Variants in CHST8 observed in about 807,000 individuals in gnomAD.
CHST8 encodes carbohydrate sulfotransferase 8, also known as GALNAC-4-ST1.
A neutral mutation model predicts 15.0 loss-of-function variants in CHST8; 10 were observed. That is an observed-to-expected ratio of 0.67 (90% confidence interval 0.41 to 1.13). The LOEUF (loss-of-function observed/expected upper bound fraction) is 1.13, where lower values mean the gene tolerates loss of function less well. CHST8 is among the 50% of genes most tolerant of loss of function. The probability of loss-of-function intolerance (pLI) is 0.00; values close to 1 mark genes in which losing one functional copy is unlikely to be tolerated. For synonymous variants in CHST8, 259 were observed against 256.6 expected, an observed-to-expected ratio of 1.01 and a Z score of -0.09; for missense variants, 634 against 608.2, an observed-to-expected ratio of 1.04 and a Z score of -0.45.
intron 3 of CHST8, among the ~76,000 whole-genome samples, chr19:33,692,579 G>A (rs766407356): frequency 6.6e-6 from 1 of 152,128 alleles, no homozygotes; most frequent in Non-Finnish European, 1.5e-5. Flanking sequence ...GTACACACCT[G>A]TAGTCTCAGC....
chr19:33,624,447 G>A (rs926564619), intron 1 of CHST8, among the ~76,000 whole-genome samples: 1 of 152,122 alleles, frequency 6.6e-6, no homozygotes, highest in South Asian at 2.1e-4. Context: ...ATATCACTTG[G>A]GAAATTTCAT....
chr19:33,667,410 C>T (rs1453100983), intron 1 of CHST8, among the ~76,000 whole-genome samples: 1 of 152,146 alleles, frequency 6.6e-6, no homozygotes. Flanking sequence ...TCGCAGCAAA[C>T]GGCCACCTTG....
chr19:33,755,658 CGGTG>C (rs1974531155), intron 3 of CHST8, among the ~76,000 whole-genome samples: 1 of 152,232 alleles, frequency 6.6e-6, no homozygotes, highest in African/African-American at 2.4e-5. Flanking sequence ...AACACATGCC[CGGTG>C]CTCCAGACTG....
chr19:33,710,805 A>G (rs1973532968), intron 3 of CHST8, among the ~76,000 whole-genome samples: 1 of 151,320 alleles, frequency 6.6e-6, no homozygotes, highest in Non-Finnish European at 1.5e-5. Context: ...ATAACCTCAC[A>G]CTGTTCAGTA....
chr19:33,637,347 C>T (rs1469459380), intron 1 of CHST8, among the ~76,000 whole-genome samples: 1 of 151,988 alleles, frequency 6.6e-6, no homozygotes, highest in African/African-American at 2.4e-5. Flanking sequence ...CTGGCTCACA[C>T]GCCTCTGACA....
intron 1 of CHST8, among the ~76,000 whole-genome samples, chr19:33,629,374 C>T (rs1338251086): frequency 6.6e-6 from 1 of 152,262 alleles, no homozygotes; most frequent in Non-Finnish European, 1.5e-5. Context: ...ATACCCTTTT[C>T]TTGCTCTCAG....
intron 3 of CHST8, among the ~76,000 whole-genome samples, chr19:33,717,027 C>CA (rs1438910511): frequency 6.6e-6 from 1 of 152,134 alleles, no homozygotes; most frequent in Non-Finnish European, 1.5e-5. Flanking sequence ...CTAATGACTC[C>CA]ATTTTTGATA....
intron 3 of CHST8, among the ~76,000 whole-genome samples, chr19:33,698,003 C>T (rs1028937535): frequency 3.3e-5 from 5 of 152,132 alleles, no homozygotes; most frequent in Admixed American, 3.3e-4. Flanking sequence ...CTGGGCTGGG[C>T]GCAGTGGCTC....
intron 1 of CHST8, among the ~76,000 whole-genome samples, chr19:33,650,105 C>T (rs1180002744): frequency 1.3e-5 from 2 of 152,144 alleles, no homozygotes; most frequent in Admixed American, 6.5e-5. Context: ...TGTTAATGTT[C>T]ATGCTGGTCA....
intron 2 of CHST8, among the ~76,000 whole-genome samples, chr19:33,676,571 A>G (rs924909362): frequency 1.4e-5 from 2 of 145,814 alleles, no homozygotes; most frequent in Non-Finnish European, 3.0e-5. Context: ...CTCCATCTCA[A>G]TATAATAATA....
intron 3 of CHST8, among the ~76,000 whole-genome samples, chr19:33,740,780 A>G (rs1599606557): frequency 6.6e-6 from 1 of 152,162 alleles, no homozygotes; most frequent in Non-Finnish European, 1.5e-5. Context: ...CAGTGCACAC[A>G]CAAGTCTTGG....
intron 1 of CHST8, among the ~76,000 whole-genome samples, chr19:33,657,998 G>T (rs570382337): frequency 1.1e-4 from 17 of 152,254 alleles, no homozygotes; most frequent in Admixed American, 1.1e-3. Flanking sequence ...CTTCCTTATT[G>T]TTATAACTGA....
At chr19:33,695,637 G>A (rs1187576844) in intron 3 of CHST8, among the ~76,000 whole-genome samples, 1 of 151,910 alleles carries the variant, frequency 6.6e-6, no homozygotes, top group Non-Finnish European at 1.5e-5. Context: ...CCACAGCTTA[G>A]CTCCCACTTA....
chr19:33,661,753 A>G (rs1200307041), intron 1 of CHST8, among the ~76,000 whole-genome samples: 1 of 151,804 alleles, frequency 6.6e-6, no homozygotes, highest in Non-Finnish European at 1.5e-5. Context: ...AGTTTCAGCC[A>G]TGCACGATGG....
At chr19:33,734,479 C>G (rs1181110706) in intron 3 of CHST8, among the ~76,000 whole-genome samples, 3 of 152,190 alleles carry the variant, frequency 2.0e-5, no homozygotes, top group Non-Finnish European at 4.4e-5. Flanking sequence ...TGGATCGAGA[C>G]CCCTTCCCTA....
chr19:33,730,926 G>T (rs564135626), intron 3 of CHST8, among the ~76,000 whole-genome samples: 3 of 152,298 alleles, frequency 2.0e-5, no homozygotes, highest in African/African-American at 7.2e-5. Context: ...TCCGATGTTC[G>T]AGGGCAGGAA....
Position 33,746,545 on chromosome 19 carries a change from C to CA in CHST8, c.131-24866dup, listed in dbSNP as rs368617114. 1.8e-3 allele frequency among the ~76,000 whole-genome samples: 276 copies of CA among 152,340 alleles called. 3 individuals carry two copies. The highest frequency in any genetic ancestry group is 6.4e-3 in the African/African-American group (265 of 41,576). The stretch of plus-strand genomic sequence containing the variant: ...GAGTAGTTGGTGTTTTTCTTACAGG[C>CA]AAGCAGTATTCCGTAGAATGGATGT... On this transcript the variant is annotated intron_variant, in intron 3 of 4. Coordinates refer to ENST00000650847, the MANE Select transcript of CHST8 (RefSeq NM_001127895.2).
At position 33,649,193 on chromosome 19, in the gene CHST8, T is replaced by G. The variant is rs79014056; in HGVS notation, c.-163-18574T>G. On this transcript the variant is annotated intron_variant, in intron 1 of 4. Transcript: ENST00000650847. ...TGCTGGGATTACAGACAGGAGCCACTGTGCCCGGCCTGTCTATCCTTCTGA... is the reference window on the plus strand; with the variant it reads ...TGCTGGGATTACAGACAGGAGCCACGGTGCCCGGCCTGTCTATCCTTCTGA... 8.7e-3 allele frequency among the ~76,000 whole-genome samples: 1,325 copies of G among 152,258 alleles called. 23 individuals are homozygous for G. Among genetic ancestry groups the G allele is most frequent in the South Asian group, 0.05 (242 of 4,824 alleles).
intron 1 of CHST8, among the ~76,000 whole-genome samples, chr19:33,650,495 CTTTT>C (rs1972424476): frequency 2.3e-5 from 1 of 44,102 alleles, no homozygotes; most frequent in African/African-American, 9.2e-5. Flanking sequence ...TTTTTCTTTT[CTTTT>C]TCTTTTTCTT....
Sources: allele counts gnomAD v4.1 joint callset (sites outside exome capture counted in the v4.1 genomes callset), GRCh38; gene constraint gnomAD v4.1.1; transcripts MANE v1.5; gene names NCBI Gene and HGNC (gene_info 2026-07-23, HGNC 2026-07-21).